Variants in MAGI2 observed in about 807,000 individuals in gnomAD.
The protein encoded by MAGI2 is membrane-associated guanylate kinase, WW and PDZ domain-containing protein 2.
In MAGI2, 35 loss-of-function variants were observed where a neutral mutation model predicts 133.3. The ratio of observed to expected loss-of-function variants is 0.26; its 90% confidence interval spans 0.20 to 0.35. MAGI2 has a LOEUF of 0.35. Among genes scored for constraint, MAGI2 ranks in the 10% least tolerant of loss-of-function variants. The pLI is 1.00. For missense variants in MAGI2, 1,636 were observed against 1,863.4 expected, an observed-to-expected ratio of 0.88 and a Z score of 2.25; for synonymous variants, 729 against 710.6, an observed-to-expected ratio of 1.03 and a Z score of -0.41.
intron 1 of MAGI2, among the ~76,000 whole-genome samples, chr7:79,299,369 T>C (rs557718395): frequency 6.6e-6 from 1 of 151,736 alleles, no homozygotes; most frequent in South Asian, 2.1e-4. Flanking sequence ...TCTGAGTTGT[T>C]TATGGTCAGG....
chr7:78,539,797 C>T (rs1368501555), intron 3 of MAGI2, among the ~76,000 whole-genome samples: 1 of 152,124 alleles, frequency 6.6e-6, no homozygotes. Flanking sequence ...GCAGAGGTAG[C>T]AAGGGAGTGA....
chr7:79,096,388 T>C (rs1220702658), intron 1 of MAGI2, among the ~76,000 whole-genome samples: 1 of 152,188 alleles, frequency 6.6e-6, no homozygotes, highest in African/African-American at 2.4e-5. Context: ...CCCCTTCAAG[T>C]GCCTTGTGTA....
rs530902667 is a variant in MAGI2 at position 78,433,169 on chromosome 7, A to G, written c.1045+56592T>C. On this transcript the variant is annotated intron_variant, in intron 6 of 21. Transcript: ENST00000354212. ...ATAATCAATGTTTTCCCTTACCATT[A>G]AAATTACACATCTGAGAGGTATCTA... is the stretch of plus-strand genomic sequence containing the variant. Among the ~76,000 whole-genome samples the G allele has an allele frequency of 3.9e-5, 6 of 152,228 alleles. No homozygotes were observed. In the East Asian group the frequency reaches 1.2e-3, roughly 29 times the overall value.
At chr7:78,609,483 G>A (rs1806203455) in intron 3 of MAGI2, among the ~76,000 whole-genome samples, 1 of 152,072 alleles carries the variant, frequency 6.6e-6, no homozygotes, top group Non-Finnish European at 1.5e-5. Context: ...ACGTGATGAA[G>A]GAAAAGAAAA....
chr7:78,033,914 C>T (rs1809882114), intron 21 of MAGI2, among the ~76,000 whole-genome samples: 1 of 152,096 alleles, frequency 6.6e-6, no homozygotes, highest in African/African-American at 2.4e-5. Context: ...AATGGGCTGC[C>T]AGTGAGATTT....
intron 2 of MAGI2, among the ~76,000 whole-genome samples, chr7:78,651,801 G>C (rs1227949006): frequency 6.6e-6 from 1 of 151,912 alleles, no homozygotes. Flanking sequence ...TTTTAAAAGT[G>C]GTAATTTTGA....
rs150394491 is a variant in MAGI2, at chr7:78,880,586, C to T, written c.418+126504G>A. Among the ~76,000 whole-genome samples the T allele has an allele frequency of 5.5e-3, 834 of 152,218 alleles. 5 individuals carry two copies. The highest frequency in any genetic ancestry group is 0.011 in the African/African-American group (461 of 41,542). ...GAGATCTTCAAAGGAATTCTAAACA[C>T]GGAAACAAAAGAACAATATCTGCTA... On this transcript the variant is annotated intron_variant, in intron 2 of 21. Coordinates refer to ENST00000354212, the MANE Select transcript of MAGI2 (RefSeq NM_012301.4).
Position 79,189,700 on chromosome 7 carries a change from T to C in MAGI2, c.302-182494A>G, listed in dbSNP as rs550911725. ...GTATAGCTCTACGGATTTTGACAAA[T>C]GTATGACAATTGTCTTCCATTACAG... On this transcript the variant is annotated intron_variant, in intron 1 of 21. Coordinates refer to ENST00000354212, the MANE Select transcript of MAGI2 (RefSeq NM_012301.4). 1.3e-4 allele frequency among the ~76,000 whole-genome samples: 19 copies of C among 151,916 alleles called. No homozygotes were observed. In the South Asian group the frequency reaches 3.7e-3, roughly 30 times the overall value.
At chr7:79,072,372 CCTT>C (rs1362712542) in intron 1 of MAGI2, among the ~76,000 whole-genome samples, 4 of 152,098 alleles carry the variant, frequency 2.6e-5, no homozygotes, top group South Asian at 2.1e-4. Context: ...AGATTTAGTA[CCTT>C]CTTTGGTAAA....
At chr7:78,264,397 G>A (rs1005264604) in intron 9 of MAGI2, among the ~76,000 whole-genome samples, 2 of 152,116 alleles carry the variant, frequency 1.3e-5, no homozygotes, top group Non-Finnish European at 2.9e-5. Flanking sequence ...CTTATTATCG[G>A]TCAGAATGCT....
At chr7:78,614,382 T>TGA (rs1806837523) in intron 3 of MAGI2, 1 of 152,100 alleles carries the variant, frequency 6.6e-6, no homozygotes, top group Admixed American at 6.5e-5. Context: ...ATTCACATTT[T>TGA]ATTAATACAT....
At chr7:79,326,270 T>A (rs1194912885) in intron 1 of MAGI2, among the ~76,000 whole-genome samples, 1 of 152,134 alleles carries the variant, frequency 6.6e-6, no homozygotes, top group Non-Finnish European at 1.5e-5. Flanking sequence ...GACGCTTGCA[T>A]GGTCAGTTCT....
chr7:79,028,265 A>ATATG lies in MAGI2; in HGVS notation c.302-21063_302-21060dup, dbSNP rs1329617871. 5.2e-3 allele frequency among the ~76,000 whole-genome samples: 120 copies of ATATG among 23,010 alleles called. 1 individual carries two copies. The highest frequency in any genetic ancestry group is 0.015 in the African/African-American group (118 of 7,682). The allele number at this position is 23,010 out of a possible 152,430, so 15.1% of individuals were successfully genotyped here. A position where few individuals can be genotyped will look rare whatever the true frequency, so the allele number is the denominator to read the frequency against. On this transcript the variant is annotated intron_variant, in intron 1 of 21. Transcript: ENST00000354212. ...TATATATATATATATATATATATAT[A>ATATG]TATGTATGTATGTATATATATATAT... is the stretch of plus-strand genomic sequence containing the variant.
chr7:79,291,743 C>T (rs1368175000), intron 1 of MAGI2, among the ~76,000 whole-genome samples: 2 of 151,990 alleles, frequency 1.3e-5, no homozygotes, highest in African/African-American at 4.8e-5. Flanking sequence ...GCCAATTTAC[C>T]CATTTTAAAA....
chr7:78,429,028 C>T (rs1799543633), intron 6 of MAGI2, among the ~76,000 whole-genome samples: 1 of 152,106 alleles, frequency 6.6e-6, no homozygotes, highest in Non-Finnish European at 1.5e-5. Flanking sequence ...TAAGGTAGCA[C>T]TTCAAAGCAC....
intron 2 of MAGI2, among the ~76,000 whole-genome samples, chr7:78,703,279 T>C (rs1294209533): frequency 1.3e-5 from 2 of 152,098 alleles, no homozygotes; most frequent in East Asian, 3.9e-4. Context: ...AGTGTCTGTT[T>C]TGAATATGTT....
intron 2 of MAGI2, among the ~76,000 whole-genome samples, chr7:78,649,120 T>A (rs1811220173): frequency 6.6e-6 from 1 of 151,042 alleles, no homozygotes; most frequent in Admixed American, 6.6e-5. Flanking sequence ...AAACCGCATG[T>A]CTGTTGGGTA....
chr7:78,528,954 G>A (rs1192815522), intron 3 of MAGI2, among the ~76,000 whole-genome samples: 1 of 150,742 alleles, frequency 6.6e-6, no homozygotes, highest in African/African-American at 2.4e-5. Context: ...CTTTCAGGAA[G>A]TCCACAACTG....
chr7:79,176,235 C>A (rs1273590293), intron 1 of MAGI2, among the ~76,000 whole-genome samples: 1 of 151,868 alleles, frequency 6.6e-6, no homozygotes, highest in East Asian at 1.9e-4. Flanking sequence ...CAGGATTGCC[C>A]CAGCTGCCTT....
Sources: gnomAD v4.1 joint callset for allele counts (sites outside exome capture counted in the v4.1 genomes callset) on GRCh38, gnomAD v4.1.1 for gene constraint, MANE v1.5 for transcripts, NCBI Gene and HGNC (gene_info 2026-07-23, HGNC 2026-07-21) for gene names.